Variants in STAB2 observed in about 807,000 individuals in gnomAD.
The protein encoded by STAB2 is stabilin 2.
In STAB2, 288 loss-of-function variants were observed where a neutral mutation model predicts 338.1. That is an observed-to-expected ratio of 0.85 (90% CI 0.77 to 0.94). STAB2 has a LOEUF of 0.94. Ranked by LOEUF, STAB2 falls within the 40% of genes least tolerant of loss-of-function variation. The pLI, the probability that STAB2 is intolerant of heterozygous loss-of-function variation, is 0.00. For synonymous variants in STAB2, 1,202 were observed against 1,193.3 expected (o/e 1.01, Z -0.15); for missense variants, 3,141 against 3,210.1 (o/e 0.98, Z 0.52).
chr12:103,705,491 G>T, intron 36 of STAB2, 141 bp from the exon 37 acceptor site: 5 of 641,506 alleles, frequency 7.8e-6, no homozygotes, highest in Non-Finnish European at 1.4e-5. Flanking sequence ...TGCTTAAGAA[G>T]CAGTGCCAAC....
At chr12:103,642,619 T>G (rs2138701216) in intron 9 of STAB2, among the ~76,000 whole-genome samples, 1 of 152,352 alleles carries the variant, frequency 6.6e-6, no homozygotes, top group Middle Eastern at 3.4e-3. Flanking sequence ...TCCAGCAGTT[T>G]GACCCTTAGA....
At chr12:103,643,945 C>T (rs58652981) in intron 9 of STAB2, among the ~76,000 whole-genome samples, 1,505 of 35,460 alleles carry the variant, frequency 0.042, 2 homozygotes, top group Middle Eastern at 0.11. Context: ...CCGCCCCGTC[C>T]GGGAGGTGAG....
chr12:103,737,673 C>T lies in STAB2; in HGVS notation c.5590C>T (p.Gln1864Ter), dbSNP rs769575456. 3 of 1,605,558 alleles carry T rather than the reference C, an allele frequency of 1.9e-6. No homozygotes were observed. The highest frequency in any genetic ancestry group is 2.5e-6 in the Non-Finnish European group (3 of 1,177,060). The change falls in exon 53 of 69, where the codon CAG (glutamine) becomes TAG (stop). Residue 1864 changes from glutamine to a stop codon, truncating the protein, a stop_gained. Coordinates refer to ENST00000388887, the MANE Select transcript of STAB2 (RefSeq NM_017564.10). LOFTEE classifies it high-confidence loss of function. ...GAATGGCCAAACCTGCAGAATTGTGCAGCGGGAGCTCTTGTTTGACCTGGG... is the reference window on the plus strand; with the variant it reads ...GAATGGCCAAACCTGCAGAATTGTGTAGCGGGAGCTCTTGTTTGACCTGGG... ...FLNGQTCRIV[Q>*]RELLFDLGVA...
intron 23 of STAB2, among the ~76,000 whole-genome samples, chr12:103,674,918 G>A (rs905036603): frequency 1.3e-5 from 2 of 152,164 alleles, no homozygotes; most frequent in African/African-American, 2.4e-5. Context: ...TAAGGAGTTA[G>A]GATCTATATC....
chr12:103,654,679 C>G lies in STAB2; in HGVS notation c.1532C>G (p.Thr511Arg). The G allele has an allele frequency of 6.2e-7, 1 of 1,613,908 alleles. No homozygotes were observed. Among genetic ancestry groups the G allele is most frequent in the Middle Eastern group, 1.6e-4 (1 of 6,062 alleles). Residue 511 changes from threonine (T) to arginine (R), a missense_variant, in exon 13 of 69, where the codon ACA becomes AGA. By Grantham distance (71) the Thr-to-Arg change is moderately conservative. Transcript: ENST00000388887. ...LDRAMDKLEP[T>R]FESNNEQTIM... is the part of the protein sequence containing the mutation. ...AGAGCCATGGACAAGTTAGAACCCA[C>G]ATTTGAGAGCAACAATGAGGTGAGT...
intron 1 of STAB2, among the ~76,000 whole-genome samples, chr12:103,588,965 G>A (rs1467131939): frequency 2.0e-5 from 3 of 152,126 alleles, no homozygotes; most frequent in African/African-American, 7.2e-5. Flanking sequence ...CTCCACTCAG[G>A]TGCAGGAAAG....
chr12:103,622,659 G>C (rs1957320550), intron 5 of STAB2, among the ~76,000 whole-genome samples: 1 of 152,194 alleles, frequency 6.6e-6, no homozygotes, highest in East Asian at 1.9e-4. Context: ...TCTACATAGA[G>C]AAAACAAAAC....
chr12:103,602,270 T>TA (rs1956965213), intron 3 of STAB2, among the ~76,000 whole-genome samples: 4 of 152,248 alleles, frequency 2.6e-5, no homozygotes, highest in African/African-American at 7.2e-5. Flanking sequence ...GAATCCGAGA[T>TA]GCATCCATGT....
chr12:103,697,670 T>C (rs946066143), intron 33 of STAB2, among the ~76,000 whole-genome samples: 30 of 152,194 alleles, frequency 2.0e-4, no homozygotes, highest in Admixed American at 5.2e-4. Flanking sequence ...CCACAGGAGA[T>C]GGAAAACATA....
Position 103,654,909 on chromosome 12 carries a change from A to G in STAB2, c.1551+211A>G, listed in dbSNP as rs77488711. 2.6e-3 allele frequency: 1,582 copies of G among 610,652 alleles called. 28 individuals are homozygous for G. In the African/African-American group the frequency reaches 0.027, roughly 10 times the overall value. 37.8% of individuals were successfully genotyped at this position (610,652 alleles called of 1,614,324 possible). ...AAGACGTACAGTAACATATGTGGGA[A>G]AGATCTGGATTTTTTTTTACCTCTT... On this transcript the variant is annotated intron_variant, in intron 13 of 68. Transcript: ENST00000388887.
intron 59 of STAB2, 117 bp downstream of exon 59, chr12:103,749,273 G>C: frequency 1.7e-6 from 2 of 1,168,944 alleles, no homozygotes; most frequent in South Asian, 2.0e-5. Context: ...ATTTTTTCTA[G>C]CACAGTCTGT....
At chr12:103,694,238 G>A (rs948087027) in intron 31 of STAB2, among the ~76,000 whole-genome samples, 82 of 152,260 alleles carry the variant, frequency 5.4e-4, no homozygotes, top group African/African-American at 1.9e-3. Flanking sequence ...AGAAAGGAGT[G>A]TCTTTTTCTT....
chr12:103,610,816 T>C (rs1301435844), intron 3 of STAB2, among the ~76,000 whole-genome samples: 2 of 152,374 alleles, frequency 1.3e-5, no homozygotes, highest in African/African-American at 2.4e-5. Flanking sequence ...CTTTCTCTTG[T>C]TGGCATTTAG....
At chr12:103,625,638 C>T (rs570183640) in intron 5 of STAB2, among the ~76,000 whole-genome samples, 1 of 152,232 alleles carries the variant, frequency 6.6e-6, no homozygotes, top group South Asian at 2.1e-4. Flanking sequence ...CGATAGTTTG[C>T]TGAGAATGAT....
chr12:103,717,090 G>T (rs1354058866), intron 43 of STAB2, among the ~76,000 whole-genome samples: 1 of 152,198 alleles, frequency 6.6e-6, no homozygotes, highest in Non-Finnish European at 1.5e-5. Context: ...AGTTAGAAAA[G>T]CTGCCTCCTG....
At chr12:103,717,934 T>G in intron 44 of STAB2, 93 bp downstream of exon 44, 2 of 1,249,028 alleles carry the variant, frequency 1.6e-6, no homozygotes, top group Non-Finnish European at 2.3e-6. Flanking sequence ...GAGGAACTCT[T>G]CCTCTGGAGG....
intron 5 of STAB2, among the ~76,000 whole-genome samples, chr12:103,623,954 G>T (rs868264443): frequency 6.6e-6 from 1 of 152,170 alleles, no homozygotes; most frequent in African/African-American, 2.4e-5. Context: ...TGTGGGCATG[G>T]TAGAAACAGT....
intron 50 of STAB2, 66 bp from the exon 51 acceptor site, chr12:103,732,940 C>A: frequency 6.4e-7 from 1 of 1,564,232 alleles, no homozygotes; most frequent in South Asian, 1.2e-5. Context: ...TCCTCAGAGA[C>A]AGAACCCCTG....
At position 103,760,363 on chromosome 12, in the gene STAB2, C is replaced by T. The variant is rs142264980; in HGVS notation, c.7249-937C>T. On this transcript the variant is annotated intron_variant, in intron 65 of 68. Transcript: ENST00000388887. ...GCAACCTCCCCCTCCTGGATTCAAGCGATCCTCCTGCCTCAGCCTCCCGCG... is the reference window on the plus strand; with the variant it reads ...GCAACCTCCCCCTCCTGGATTCAAGTGATCCTCCTGCCTCAGCCTCCCGCG... 6.0e-3 allele frequency among the ~76,000 whole-genome samples: 918 copies of T among 152,244 alleles called. 3 individuals are homozygous for T. Among genetic ancestry groups the T allele is most frequent in the African/African-American group, 0.021 (884 of 41,502 alleles).
Sources: allele counts gnomAD v4.1 joint callset (sites outside exome capture counted in the v4.1 genomes callset), GRCh38; gene constraint gnomAD v4.1.1; transcripts MANE v1.5; gene names NCBI Gene and HGNC (gene_info 2026-07-23, HGNC 2026-07-21).